Variants in PAFAH1B2 observed in about 807,000 individuals in gnomAD.
PAFAH1B2 encodes the protein platelet-activating factor acetylhydrolase IB subunit alpha2.
PAFAH1B2 carries 8 observed loss-of-function variants against 28.0 expected under a neutral mutation model. The ratio of observed to expected loss-of-function variants is 0.29; its 90% CI spans 0.17 to 0.52. The LOEUF is 0.52. Ranked by LOEUF, PAFAH1B2 falls within the 20% of genes least tolerant of loss-of-function variation. PAFAH1B2 has a pLI of 0.97. For synonymous variants in PAFAH1B2, 104 were observed against 103.2 expected (o/e 1.01, Z -0.05); for missense variants, 190 against 282.6 (o/e 0.67, Z 2.35).
Position 117,167,779 on chromosome 11 carries a change from T to G in PAFAH1B2, c.*80T>G. On this transcript the variant is annotated 3_prime_UTR_variant, in exon 6 of 6. Transcript: ENST00000527958. ...TGGCACTACAGAATCCTTCTCTTTCTTAAGGCACTTTGCATTGTAGAATGT... is the reference window on the plus strand; with the variant it reads ...TGGCACTACAGAATCCTTCTCTTTCGTAAGGCACTTTGCATTGTAGAATGT... 1 of 1,375,296 alleles carries G rather than the reference T, an allele frequency of 7.3e-7. No individual in the cohort carries two copies. Among genetic ancestry groups the G allele is most frequent in the Non-Finnish European group, 9.5e-7 (1 of 1,057,202 alleles). 85.2% of individuals were successfully genotyped at this position (1,375,296 alleles called of 1,614,324 possible).
chr11:117,153,356 A>G (rs949300630), intron 2 of PAFAH1B2, among the ~76,000 whole-genome samples: 1 of 133,408 alleles, frequency 7.5e-6, no homozygotes, highest in Non-Finnish European at 1.7e-5. Flanking sequence ...TTGTGTCTGT[A>G]TCTATTTTGT....
chr11:117,169,994 A>AT lies in PAFAH1B2; in HGVS notation c.*2296dup. The AT allele has an allele frequency of 9.5e-7, 1 of 1,054,228 alleles. No individual in the cohort carries two copies. Among genetic ancestry groups the AT allele is most frequent in the East Asian group, 5.4e-5 (1 of 18,638 alleles). 65.3% of individuals were successfully genotyped at this position (1,054,228 alleles called of 1,614,324 possible). A position where few individuals can be genotyped will look rare whatever the true frequency, so the allele number is the denominator to read the frequency against. ...CAAACCTCAGATGTTACTACATTTT[A>AT]TATCTACCAGAGCTATTCAAGCAAT... On this transcript the variant is annotated 3_prime_UTR_variant, in exon 6 of 6. Transcript: ENST00000527958.
At position 117,168,446 on chromosome 11, in the gene PAFAH1B2, G is replaced by GGTTTTT; in HGVS notation, c.*747_*748insGTTTTT. The GGTTTTT allele has an allele frequency of 4.3e-6, 1 of 234,820 alleles. No individual in the cohort carries two copies. Among genetic ancestry groups the GGTTTTT allele is most frequent in the Non-Finnish European group, 5.0e-6 (1 of 200,708 alleles). 14.5% of individuals were successfully genotyped at this position (234,820 alleles called of 1,614,324 possible). ...TCCCCTTCATTCCCCCCGCCACCCC[G>GGTTTTT]TTTTTTTTTTTTTTTTTTTTTTTTT... On this transcript the variant is annotated 3_prime_UTR_variant, in exon 6 of 6. Transcript: ENST00000527958.
At position 117,159,944 on chromosome 11, in the gene PAFAH1B2, T is replaced by G; in HGVS notation, c.92T>G (p.Phe31Cys). 6.2e-7 allele frequency: 1 copy of G among 1,613,436 alleles called. No individual in the cohort carries two copies. Among genetic ancestry groups the G allele is most frequent in the Non-Finnish European group, 8.5e-7 (1 of 1,179,424 alleles). Reference sequence around the variant, plus strand: ...TCTTCTTCAAACCAGCACAACAGATTTGTTTTGGACTGTAAAGACAAAGAG... The same window carrying G: ...TCTTCTTCAAACCAGCACAACAGATGTGTTTTGGACTGTAAAGACAAAGAG... ...DDRWMSQHNRFVLDCKDKEPD... is the reference protein window; with the variant it reads ...DDRWMSQHNRCVLDCKDKEPD... Residue 31 changes from phenylalanine (F) to cysteine (C), a missense_variant, in exon 3 of 6, where the codon TTT becomes TGT. By Grantham distance (205) the Phe-to-Cys change is radical. Transcript: ENST00000527958.
chr11:117,166,775 G>A (rs1478284807), intron 5 of PAFAH1B2, among the ~76,000 whole-genome samples: 2 of 152,162 alleles, frequency 1.3e-5, no homozygotes, highest in Non-Finnish European at 2.9e-5. Flanking sequence ...ATTAATAGAT[G>A]ATGTGTATCT....
chr11:117,158,400 G>C (rs890594406), intron 2 of PAFAH1B2, among the ~76,000 whole-genome samples: 19 of 151,912 alleles, frequency 1.3e-4, no homozygotes, highest in Non-Finnish European at 2.2e-4. Context: ...ACTCTGGGCG[G>C]AGATTACCAC....
downstream of PAFAH1B2, among the ~76,000 whole-genome samples, chr11:117,172,360 A>T (rs1956668261): frequency 1.1e-3 from 1 of 928 alleles, no homozygotes; most frequent in African/African-American, 3.3e-3. Flanking sequence ...ATATATATAT[A>T]TATATATATA....
In PAFAH1B2 at chr11:117,168,737, C is replaced by A. The variant is rs1170251526; in HGVS notation, c.*1038C>A. On this transcript the variant is annotated 3_prime_UTR_variant, in exon 6 of 6. Transcript: ENST00000527958. ...CATTCCATAGCACCTGACATTATTT[C>A]AAGTTTTATAATATCTTAAGGTGTA... 2 of 1,045,366 alleles carry A rather than the reference C, an allele frequency of 1.9e-6. No individual in the cohort carries two copies. The highest frequency in any genetic ancestry group is 2.3e-6 in the Non-Finnish European group (2 of 863,500). 64.8% of individuals were successfully genotyped at this position (1,045,366 alleles called of 1,614,324 possible).
chr11:117,147,450 A>C (rs966935917), intron 1 of PAFAH1B2, among the ~76,000 whole-genome samples: 1 of 152,118 alleles, frequency 6.6e-6, no homozygotes, highest in Non-Finnish European at 1.5e-5. Context: ...CACCTGCCTT[A>C]GTGTCCCAAA....
At chr11:117,146,980 A>G (rs898003108) in intron 1 of PAFAH1B2, among the ~76,000 whole-genome samples, 1 of 151,296 alleles carries the variant, frequency 6.6e-6, no homozygotes, top group African/African-American at 2.4e-5. Context: ...AAAACAAAAA[A>G]AAAGCCGGCC....
downstream of PAFAH1B2, among the ~76,000 whole-genome samples, chr11:117,172,357 TATATATATATATATATATATATATA>T (rs1956667829): frequency 1.1e-3 from 2 of 1,790 alleles, no homozygotes; most frequent in African/African-American, 2.0e-3. Flanking sequence ...TTTATATATA[TATATATATATATATATATATATATA>T]TATATATATA....
exon 6 of PAFAH1B2, chr11:117,176,087 A>G: frequency 1.4e-6 from 1 of 701,194 alleles, no homozygotes; most frequent in South Asian, 1.7e-5. Context: ...TGGAAACAGT[A>G]CTGGACCAAG....
rs1233945388 is a variant in PAFAH1B2, at chr11:117,169,362, A to G, written c.*1663A>G. 2.9e-6 allele frequency: 3 copies of G among 1,051,082 alleles called. No homozygotes were observed. Among genetic ancestry groups the G allele is most frequent in the Middle Eastern group, 4.3e-4 (1 of 2,326 alleles). The allele number at this position is 1,051,082 out of a possible 1,614,324, so 65.1% of individuals were successfully genotyped here. A position where few individuals can be genotyped will look rare whatever the true frequency, so the allele number is the denominator to read the frequency against. The stretch of plus-strand genomic sequence containing the variant: ...TGTGGAATATGTACAAACTGGATCT[A>G]TAGATATTTTGAACTGGACCAGGTG... On this transcript the variant is annotated 3_prime_UTR_variant, in exon 6 of 6. Transcript: ENST00000527958.
chr11:117,148,296 T>C (rs934843201), intron 1 of PAFAH1B2, among the ~76,000 whole-genome samples: 2 of 152,010 alleles, frequency 1.3e-5, no homozygotes, highest in Non-Finnish European at 2.9e-5. Flanking sequence ...CAGGTGATCC[T>C]CCTGCCTCGG....
At chr11:117,176,130 G>A (rs756100376) in exon 6 of PAFAH1B2, 155 of 578,652 alleles carry the variant, frequency 2.7e-4, no homozygotes, top group Middle Eastern at 8.0e-4. Context: ...GTACTAATGG[G>A]CTGAAGTTTT....
At chr11:117,175,844 T>C, downstream of PAFAH1B2, 1 of 1,463,358 alleles carries the variant, frequency 6.8e-7, no homozygotes, top group Non-Finnish European at 9.2e-7. Flanking sequence ...GGCAGATCGC[T>C]TGAAGCCAGG....
At chr11:117,163,913 A>AT in intron 5 of PAFAH1B2, 21 bp downstream of exon 5, 2 of 1,610,690 alleles carry the variant, frequency 1.2e-6, no homozygotes, top group Non-Finnish European at 1.7e-6. Context: ...GTTGGTGGGT[A>AT]GAGAGTTTGT....
intron 5 of PAFAH1B2, among the ~76,000 whole-genome samples, chr11:117,165,113 AC>A (rs1441081847): frequency 1.3e-5 from 2 of 149,980 alleles, no homozygotes; most frequent in South Asian, 2.1e-4. Context: ...CCGCCACCAC[AC>A]CCGGCTAATT....
exon 6 of PAFAH1B2, chr11:117,176,057 T>C: frequency 1.2e-6 from 1 of 822,580 alleles, no homozygotes; most frequent in Admixed American, 2.0e-5. Context: ...ATTCTCTGAT[T>C]CATATTCGCC....
Sources: allele counts gnomAD v4.1 joint callset (sites outside exome capture counted in the v4.1 genomes callset), GRCh38; gene constraint gnomAD v4.1.1; transcripts MANE v1.5; gene names NCBI Gene and HGNC (gene_info 2026-07-23, HGNC 2026-07-21).